DPP10: variants seen among roughly 807,000 people sequenced by gnomAD.
DPP10 encodes inactive dipeptidyl peptidase 10.
A neutral mutation model predicts 120.9 loss-of-function variants in DPP10; 33 were observed. The ratio of observed to expected loss-of-function variants is 0.27; its 90% CI spans 0.21 to 0.37. DPP10 has a LOEUF of 0.37. Among genes scored for constraint, DPP10 ranks in the 10% least tolerant of loss-of-function variants. The pLI, the probability that DPP10 is intolerant of heterozygous loss-of-function variation, is 1.00. For missense variants in DPP10, 816 were observed against 942.8 expected (o/e 0.87, Z 1.76); for synonymous variants, 337 against 326.1 (o/e 1.03, Z -0.36).
intron 1 of DPP10, among the ~76,000 whole-genome samples, chr2:114,844,103 G>A (rs1688366197): frequency 6.6e-6 from 1 of 151,874 alleles, no homozygotes; most frequent in Admixed American, 6.6e-5. Flanking sequence ...GTCTCTTTTT[G>A]TCCTCCATTT....
intron 1 of DPP10, among the ~76,000 whole-genome samples, chr2:114,960,542 C>G (rs1285775270): frequency 6.6e-5 from 10 of 151,910 alleles, no homozygotes; most frequent in Admixed American, 2.0e-4. Context: ...ATTTCCGGTG[C>G]CTGGAACATG....
intron 1 of DPP10, among the ~76,000 whole-genome samples, chr2:114,582,606 TTG>T (rs1690626564): frequency 6.6e-6 from 1 of 152,228 alleles, no homozygotes; most frequent in Non-Finnish European, 1.5e-5. Context: ...GAATTTGGTG[TTG>T]TCAGTGATCT....
chr2:115,460,731 A>T (rs1472123550), intron 3 of DPP10, among the ~76,000 whole-genome samples: 1 of 152,188 alleles, frequency 6.6e-6, no homozygotes, highest in Non-Finnish European at 1.5e-5. Context: ...GGGTACACTG[A>T]GCATAAATTG....
At chr2:115,010,585 C>A (rs1702193055) in intron 1 of DPP10, among the ~76,000 whole-genome samples, 1 of 151,952 alleles carries the variant, frequency 6.6e-6, no homozygotes, top group Non-Finnish European at 1.5e-5. Context: ...ATCACCAATA[C>A]AAATCATTCT....
chr2:115,341,011 A>C (rs1195329677), intron 2 of DPP10, among the ~76,000 whole-genome samples: 1 of 152,114 alleles, frequency 6.6e-6, no homozygotes, highest in Non-Finnish European at 1.5e-5. Flanking sequence ...AAACTTATCT[A>C]TATCAAACTT....
At chr2:114,767,207 C>CAAAAAAAAAAAAAA (rs5833559) in intron 1 of DPP10, among the ~76,000 whole-genome samples, 3 of 33,062 alleles carry the variant, frequency 9.1e-5, no homozygotes, top group Non-Finnish European at 1.5e-4. Flanking sequence ...AGGATAAAAG[C>CAAAAAAAAAAAAAA]AAAAAAAAAA....
At chr2:114,806,075 A>G (rs934504845) in intron 1 of DPP10, among the ~76,000 whole-genome samples, 2 of 152,194 alleles carry the variant, frequency 1.3e-5, no homozygotes, top group Admixed American at 6.5e-5. Flanking sequence ...TATGCAGACC[A>G]TTCCTCAGGA....
chr2:115,426,653 A>G (rs966926140), intron 3 of DPP10, among the ~76,000 whole-genome samples: 2 of 152,022 alleles, frequency 1.3e-5, no homozygotes, highest in African/African-American at 2.4e-5. Flanking sequence ...GCTGGAGATG[A>G]CATTTCAACA....
intron 1 of DPP10, among the ~76,000 whole-genome samples, chr2:114,854,557 A>C (rs996319293): frequency 6.6e-6 from 1 of 152,180 alleles, no homozygotes; most frequent in African/African-American, 2.4e-5. Context: ...ACCATCTCAG[A>C]GGAATGAGAA....
chr2:114,641,622 A>G lies in DPP10; in HGVS notation c.60+198784A>G, dbSNP rs541621524. On this transcript the variant is annotated intron_variant, in intron 1 of 25. Transcript: ENST00000410059. Reference sequence around the variant, plus strand: ...TGATTTATAAGGATTCTTGGCCACAACTAAAGTATATTTTAAACTTATAAG... The same window carrying G: ...TGATTTATAAGGATTCTTGGCCACAGCTAAAGTATATTTTAAACTTATAAG... 2.0e-5 allele frequency among the ~76,000 whole-genome samples: 3 copies of G among 152,126 alleles called. No homozygotes were observed. In the East Asian group the frequency reaches 5.8e-4, roughly 29 times the overall value.
chr2:115,306,668 T>C lies in DPP10; in HGVS notation c.61-2571T>C, dbSNP rs180947143. On this transcript the variant is annotated intron_variant, in intron 1 of 25. Transcript: ENST00000410059. ...AAGTCAGCAGTTCTCAAATAGGGAC[T>C]TGTATATGCCTTGAGCATTGATGAG... is the stretch of plus-strand genomic sequence containing the variant. 4.6e-5 allele frequency among the ~76,000 whole-genome samples: 7 copies of C among 152,276 alleles called. No individual in the cohort carries two copies. The East Asian group carries it at 1.4e-3, about 29-fold the overall frequency.
At chr2:115,216,448 G>A (rs962312819) in intron 1 of DPP10, among the ~76,000 whole-genome samples, 2 of 152,136 alleles carry the variant, frequency 1.3e-5, no homozygotes, top group African/African-American at 4.8e-5. Flanking sequence ...GCATATGTAC[G>A]TAAGTGTGTA....
intron 1 of DPP10, among the ~76,000 whole-genome samples, chr2:114,608,598 A>G (rs1481558141): frequency 6.6e-6 from 1 of 152,000 alleles, no homozygotes; most frequent in Non-Finnish European, 1.5e-5. Context: ...AGACACATAC[A>G]CTCATATGTT....
chr2:115,775,662 A>T (rs1481573370), intron 13 of DPP10, among the ~76,000 whole-genome samples: 1 of 152,094 alleles, frequency 6.6e-6, no homozygotes, highest in Non-Finnish European at 1.5e-5. Context: ...AAAATATGGC[A>T]TGTCTTTAGT....
chr2:115,805,575 AT>A (rs34290717), intron 19 of DPP10, among the ~76,000 whole-genome samples: 222 of 134,158 alleles, frequency 1.7e-3, no homozygotes, highest in Middle Eastern at 7.9e-3. Flanking sequence ...CTTGGCTCCC[AT>A]TTTTTTTTTT....
At chr2:115,469,174 G>C (rs990170227) in intron 3 of DPP10, among the ~76,000 whole-genome samples, 2 of 152,030 alleles carry the variant, frequency 1.3e-5, no homozygotes, top group African/African-American at 4.8e-5. Flanking sequence ...TGGCAATAAG[G>C]TTGTTGGAAA....
intron 3 of DPP10, among the ~76,000 whole-genome samples, chr2:115,465,142 A>AT (rs1349467370): frequency 6.6e-6 from 1 of 152,022 alleles, no homozygotes; most frequent in Non-Finnish European, 1.5e-5. Flanking sequence ...CTTACAATAT[A>AT]TTTTTCCTAT....
intron 1 of DPP10, among the ~76,000 whole-genome samples, chr2:115,166,472 A>G (rs2052855638): frequency 8.1e-6 from 1 of 123,974 alleles, no homozygotes; most frequent in Admixed American, 7.6e-5. Flanking sequence ...ACTCTCCCTG[A>G]ATTTCTTATT....
chr2:115,507,506 G>A (rs1378282866), intron 4 of DPP10, among the ~76,000 whole-genome samples: 1 of 152,104 alleles, frequency 6.6e-6, no homozygotes, highest in Non-Finnish European at 1.5e-5. Context: ...AACATTTCAA[G>A]GTCAAATTGA....
Sources: gnomAD v4.1 joint callset for allele counts (sites outside exome capture counted in the v4.1 genomes callset) on GRCh38, gnomAD v4.1.1 for gene constraint, MANE v1.5 for transcripts, NCBI Gene and HGNC (gene_info 2026-07-23, HGNC 2026-07-21) for gene names.